DNAJC3: variants seen among roughly 807,000 people sequenced by gnomAD.
DNAJC3 encodes DnaJ heat shock protein family (Hsp40) member C3.
A neutral mutation model predicts 68.6 loss-of-function variants in DNAJC3; 38 were observed. The ratio of observed to expected loss-of-function variants is 0.55; its 90% CI spans 0.43 to 0.73. The LOEUF is 0.73. DNAJC3 is among the 30% of genes least tolerant of loss of function. The pLI is 0.00. For missense variants in DNAJC3, 526 were observed against 591.9 expected, an observed-to-expected ratio of 0.89 and a Z score of 1.16; for synonymous variants, 203 against 204.0, an observed-to-expected ratio of 1.00 and a Z score of 0.04.
intron 4 of DNAJC3, among the ~76,000 whole-genome samples, chr13:95,739,255 C>T (rs1049168028): frequency 2.0e-5 from 3 of 152,090 alleles, no homozygotes; most frequent in Non-Finnish European, 4.4e-5. Context: ...CTGCCCTTAA[C>T]ATTTTTTCCT....
At chr13:95,741,560 T>C (rs1882145175) in intron 4 of DNAJC3, among the ~76,000 whole-genome samples, 1 of 152,130 alleles carries the variant, frequency 6.6e-6, no homozygotes, top group African/African-American at 2.4e-5. Context: ...GTGGCCTACT[T>C]TGGTACGGGA....
At chr13:95,719,044 G>T (rs1367416799) in intron 2 of DNAJC3, among the ~76,000 whole-genome samples, 2 of 152,212 alleles carry the variant, frequency 1.3e-5, no homozygotes, top group Non-Finnish European at 2.9e-5. Context: ...GGCTGTAAAT[G>T]AGGATTCCCA....
chr13:95,700,377 T>C (rs1201546124), intron 1 of DNAJC3, among the ~76,000 whole-genome samples: 1 of 152,184 alleles, frequency 6.6e-6, no homozygotes, highest in Non-Finnish European at 1.5e-5. Context: ...TGCCAAAAAA[T>C]ATGTTTTGGG....
At chr13:95,703,263 T>G (rs1488551810) in intron 1 of DNAJC3, among the ~76,000 whole-genome samples, 1 of 152,206 alleles carries the variant, frequency 6.6e-6, no homozygotes, top group Admixed American at 6.5e-5. Flanking sequence ...GCAGTGTCTT[T>G]CATATTTGAA....
At chr13:95,735,762 T>G (rs1428201367) in intron 4 of DNAJC3, among the ~76,000 whole-genome samples, 1 of 152,032 alleles carries the variant, frequency 6.6e-6, no homozygotes. Flanking sequence ...TTTCTCCCAT[T>G]TTGTAGGTTG....
At chr13:95,771,112 G>A (rs1883145800) in intron 9 of DNAJC3, among the ~76,000 whole-genome samples, 1 of 151,800 alleles carries the variant, frequency 6.6e-6, no homozygotes, top group Non-Finnish European at 1.5e-5. Context: ...TTTTTATGAT[G>A]CATTTAAAAA....
At chr13:95,718,515 T>C (rs9590316) in intron 2 of DNAJC3, among the ~76,000 whole-genome samples, 47,150 of 152,164 alleles carry the variant, frequency 0.31, 10,823 homozygotes, top group African/African-American at 0.65. Context: ...GATTCTCCTC[T>C]TCAGCCTCTG....
intron 9 of DNAJC3, among the ~76,000 whole-genome samples, chr13:95,784,466 A>G (rs917580320): frequency 6.6e-6 from 1 of 151,992 alleles, no homozygotes; most frequent in Non-Finnish European, 1.5e-5. Context: ...TCCAGTAATG[A>G]GAAATTCTAC....
intron 2 of DNAJC3, among the ~76,000 whole-genome samples, chr13:95,714,572 C>G (rs1305235744): frequency 2.6e-5 from 4 of 152,178 alleles, no homozygotes; most frequent in Non-Finnish European, 5.9e-5. Context: ...ATTTCGATGA[C>G]TAACTCACCT....
chr13:95,721,871 C>T (rs1293889223), intron 2 of DNAJC3, among the ~76,000 whole-genome samples: 1 of 152,078 alleles, frequency 6.6e-6, no homozygotes, highest in Non-Finnish European at 1.5e-5. Flanking sequence ...CTGTTCACAA[C>T]CATAATTTTG....
At chr13:95,699,010 A>G (rs1880521588) in intron 1 of DNAJC3, among the ~76,000 whole-genome samples, 1 of 152,216 alleles carries the variant, frequency 6.6e-6, no homozygotes. Context: ...TTGCCCTGGC[A>G]GCAGCATAGG....
chr13:95,694,869 G>T (rs1431520776), intron 1 of DNAJC3: 1 of 152,548 alleles, frequency 6.6e-6, no homozygotes, highest in African/African-American at 2.4e-5. Flanking sequence ...CGTTGGCCAA[G>T]GTTTATATTA....
chr13:95,725,032 G>A (rs1264464664), intron 3 of DNAJC3, 146 bp from the exon 4 acceptor site: 1 of 476,992 alleles, frequency 2.1e-6, no homozygotes. Flanking sequence ...ATTGGTTCCA[G>A]GAATTATTCT....
At chr13:95,723,729 G>A (rs1322458056) in intron 3 of DNAJC3, among the ~76,000 whole-genome samples, 1 of 152,194 alleles carries the variant, frequency 6.6e-6, no homozygotes, top group African/African-American at 2.4e-5. Context: ...TTGCACTTAA[G>A]GCTGTACCAG....
intron 9 of DNAJC3, among the ~76,000 whole-genome samples, chr13:95,765,782 G>C (rs906686287): frequency 6.6e-6 from 1 of 151,954 alleles, no homozygotes; most frequent in African/African-American, 2.4e-5. Context: ...ATGTTGGCCA[G>C]GCTGGTCCTG....
intron 1 of DNAJC3, among the ~76,000 whole-genome samples, chr13:95,679,144 C>T (rs1879845407): frequency 6.8e-6 from 1 of 147,744 alleles, no homozygotes; most frequent in Non-Finnish European, 1.5e-5. Flanking sequence ...TAGTTGACAA[C>T]ATCATGTGAG....
intron 2 of DNAJC3, among the ~76,000 whole-genome samples, chr13:95,710,228 C>G (rs888240411): frequency 8.6e-6 from 1 of 115,796 alleles, no homozygotes; most frequent in South Asian, 3.0e-4. Flanking sequence ...CTCTCCTTTT[C>G]TTTTCTTTTT....
chr13:95,720,308 C>T (rs573832416), intron 2 of DNAJC3, among the ~76,000 whole-genome samples: 1 of 152,142 alleles, frequency 6.6e-6, no homozygotes, highest in East Asian at 1.9e-4. Context: ...TTATTCTTTG[C>T]TTAGTGTGAA....
intron 4 of DNAJC3, among the ~76,000 whole-genome samples, chr13:95,748,836 C>A (rs1426005432): frequency 3.9e-5 from 6 of 151,926 alleles, no homozygotes; most frequent in African/African-American, 1.5e-4. Flanking sequence ...AACAAACAAA[C>A]AAAAAAACCC....
Sources: gnomAD v4.1 joint callset for allele counts (sites outside exome capture counted in the v4.1 genomes callset) on GRCh38, gnomAD v4.1.1 for gene constraint, MANE v1.5 for transcripts, NCBI Gene and HGNC (gene_info 2026-07-23, HGNC 2026-07-21) for gene names.